The following PTPRF variants were observed in gnomAD, a reference collection of about 807,000 sequenced individuals.
The protein encoded by PTPRF is protein tyrosine phosphatase receptor type F.
In PTPRF, 59 loss-of-function variants were observed where a neutral mutation model predicts 201.8. The observed-to-expected ratio is 0.29, with a 90% CI of 0.24 to 0.36. The LOEUF (loss-of-function observed/expected upper bound fraction) is 0.36, where lower values mean the gene tolerates loss of function less well. Among genes scored for constraint, PTPRF ranks in the 10% least tolerant of loss-of-function variants. The pLI, the probability that PTPRF is intolerant of heterozygous loss-of-function variation, is 1.00. For synonymous variants in PTPRF, 1,088 were observed against 1,089.7 expected (o/e 1.00, Z 0.03); for missense variants, 2,132 against 2,690.5 (o/e 0.79, Z 4.59).
intron 6 of PTPRF, chr1:43,575,787 T>G: frequency 4.0e-5 from 33 of 828,880 alleles, no homozygotes; most frequent in Non-Finnish European, 4.6e-5. Context: ...AGGCCTCAAT[T>G]TCTCCATGTA....
At position 43,603,317 on chromosome 1, in the gene PTPRF, C is replaced by A; in HGVS notation, c.2341-99C>A. 1.9e-6 allele frequency: 2 copies of A among 1,057,260 alleles called. No individual in the cohort carries two copies. The highest frequency in any genetic ancestry group is 2.4e-5 in the East Asian group (1 of 41,664). 65.5% of individuals were successfully genotyped at this position (1,057,260 alleles called of 1,614,324 possible). A position where few individuals can be genotyped will look rare whatever the true frequency, so the allele number is the denominator to read the frequency against. On this transcript the variant is annotated intron_variant, in intron 14 of 33. Coordinates refer to ENST00000359947, the MANE Select transcript of PTPRF (RefSeq NM_002840.5). This position sits in a 1 kb window ranked among gnomAD's most constrained non-coding sequence, Gnocchi z 5.8. ...CTTCCACAACCCCTGGCCTTGTGTG[C>A]CCCGGGGCTCCCCTCAGGCTAGGGT... is the stretch of plus-strand genomic sequence containing the variant.
chr1:43,555,152 C>T (rs113647978), intron 5 of PTPRF, among the ~76,000 whole-genome samples: 410 of 151,966 alleles, frequency 2.7e-3, no homozygotes, highest in Non-Finnish European at 4.7e-3. Context: ...GCACCCGGGC[C>T]GATTGTTGCT....
chr1:43,555,125 T>TACAG (rs1298745579), intron 5 of PTPRF, among the ~76,000 whole-genome samples: 1 of 152,180 alleles, frequency 6.6e-6, no homozygotes, highest in African/African-American at 2.4e-5. Flanking sequence ...CTGCTGGGAT[T>TACAG]ACAGGTGTGA....
chr1:43,587,623 C>T (rs1315197319), intron 7 of PTPRF, among the ~76,000 whole-genome samples: 1 of 152,136 alleles, frequency 6.6e-6, no homozygotes, highest in Non-Finnish European at 1.5e-5. Context: ...CATGCCTGGG[C>T]CCCCCAGCGA....
intron 10 of PTPRF, 69 bp downstream of exon 10, chr1:43,592,017 A>G (rs1046720971): frequency 6.3e-7 from 1 of 1,590,100 alleles, no homozygotes; most frequent in Non-Finnish European, 8.6e-7. Context: ...GGCTTAACCC[A>G]GGAGGGTATT....
chr1:43,565,771 T>A (rs28431224), intron 5 of PTPRF, among the ~76,000 whole-genome samples: 1 of 151,794 alleles, frequency 6.6e-6, no homozygotes, highest in African/African-American at 2.4e-5. Flanking sequence ...AGCCGGGGCC[T>A]GGGAAGGGGC....
chr1:43,564,498 G>C (rs1569999848), intron 5 of PTPRF, among the ~76,000 whole-genome samples: 1 of 152,202 alleles, frequency 6.6e-6, no homozygotes, highest in East Asian at 1.9e-4. Context: ...CTCTGGATCT[G>C]CTTGCATGCG....
chr1:43,552,095 A>G (rs1310218156), intron 3 of PTPRF, among the ~76,000 whole-genome samples: 1 of 141,158 alleles, frequency 7.1e-6, no homozygotes, highest in African/African-American at 2.7e-5. Context: ...TGCCTTTCAT[A>G]TCTGTCTTCA....
rs1433877718 is a variant in PTPRF, at chr1:43,605,439, G to A, written c.3385G>A (p.Val1129Ile). 1 of 1,609,116 alleles carries A rather than the reference G, an allele frequency of 6.2e-7. No individual in the cohort carries two copies. The highest frequency in any genetic ancestry group is 2.2e-5 in the East Asian group (1 of 44,746). The change falls in exon 18 of 34, where the codon GTC (valine) becomes ATC (isoleucine). Residue 1129 changes from valine (V) to isoleucine (I), a missense_variant. Around this residue, in one of 6 missense-constraint regions of PTPRF, gnomAD observed 818 missense variants for 915.3 expected, o/e 0.89. Coordinates refer to ENST00000359947, the MANE Select transcript of PTPRF (RefSeq NM_002840.5). ...SMPHVQDPSL[V>I]RWFYIVVVPI... ...GCCCCATGTGCAAGACCCCTCGCTT[G>A]TCAGGTGTGCACACGAGGTATCGGG...
At position 43,611,189 on chromosome 1, in the gene PTPRF, A is replaced by G. The variant is rs151237872; in HGVS notation, c.3973+1691A>G. Among the ~76,000 whole-genome samples, 6 of 152,304 alleles carry G rather than the reference A, an allele frequency of 3.9e-5. No homozygotes were observed. In the East Asian group the frequency reaches 9.7e-4, roughly 25 times the overall value. On this transcript the variant is annotated intron_variant, in intron 22 of 33. Coordinates refer to ENST00000359947, the MANE Select transcript of PTPRF (RefSeq NM_002840.5). ...CCTCACAACATGGTGACTGAGTTTC[A>G]TGAGCATGTGTCTGGAGAGTGTGCC...
chr1:43,528,993 G>A (rs1643236590), upstream of PTPRF, among the ~76,000 whole-genome samples: 1 of 152,204 alleles, frequency 6.6e-6, no homozygotes, highest in Non-Finnish European at 1.5e-5. Flanking sequence ...CCAGTGAGGA[G>A]AGGGTGGGCC....
Position 43,605,291 on chromosome 1 carries a change from C to T in PTPRF, c.3237C>T (p.Asn1079=). 1.9e-6 allele frequency: 3 copies of T among 1,613,298 alleles called. No homozygotes were observed. The highest frequency in any genetic ancestry group is 2.5e-6 in the Non-Finnish European group (3 of 1,179,546). ...CAGAGTACTCGTTTGTGCTGATGAA[C>T]CGTGGCAGCAGCGCAGGGGGCCTGC... ...PNTEYSFVLM[N]RGSSAGGLQH... The change falls in exon 18 of 34, where the codon AAC becomes AAT. Residue 1079 remains asparagine (N), a synonymous_variant. Coordinates refer to ENST00000359947, the MANE Select transcript of PTPRF (RefSeq NM_002840.5).
chr1:43,597,292 TA>T (rs1194838599), intron 11 of PTPRF, among the ~76,000 whole-genome samples: 1 of 152,010 alleles, frequency 6.6e-6, no homozygotes, highest in Non-Finnish European at 1.5e-5. Context: ...TGACACTGTA[TA>T]TGACACTATA....
chr1:43,534,446 G>A (rs1193556808), intron 1 of PTPRF, among the ~76,000 whole-genome samples: 1 of 152,162 alleles, frequency 6.6e-6, no homozygotes, highest in Non-Finnish European at 1.5e-5. Context: ...GTGGTAGCAT[G>A]GTGCCATCTT....
intron 2 of PTPRF, among the ~76,000 whole-genome samples, chr1:43,543,341 C>T (rs1363149124): frequency 6.6e-6 from 1 of 152,240 alleles, no homozygotes; most frequent in African/African-American, 2.4e-5. Flanking sequence ...ATTGTGGTCT[C>T]AGCCACCTCA....
rs1482081975 is a variant in PTPRF at position 43,553,301 on chromosome 1, A to T, written c.92-191A>T. ...CAGATACAGTTATAGCACTCACCTC[A>T]TATGCTTAACAGAGTTAAAAAATGT... On this transcript the variant is annotated intron_variant, in intron 3 of 33. Coordinates refer to ENST00000359947, the MANE Select transcript of PTPRF (RefSeq NM_002840.5). This position sits in a 1 kb window ranked among gnomAD's most constrained non-coding sequence, Gnocchi z 4.1. 2.0e-5 allele frequency among the ~76,000 whole-genome samples: 3 copies of T among 152,204 alleles called. No homozygotes were observed. Among genetic ancestry groups the T allele is most frequent in the African/African-American group, 7.2e-5 (3 of 41,442 alleles).
At chr1:43,612,457 G>A (rs1405256101) in intron 22 of PTPRF, among the ~76,000 whole-genome samples, 1 of 152,138 alleles carries the variant, frequency 6.6e-6, no homozygotes, top group African/African-American at 2.4e-5. Flanking sequence ...TATCAAAAGG[G>A]GCAGGGCTGG....
rs2153973020 is a variant in PTPRF at position 43,554,080 on chromosome 1, G to A, written c.379+139G>A. The A allele has an allele frequency of 5.0e-6, 6 of 1,207,174 alleles. No homozygotes were observed. In the East Asian group the frequency reaches 1.3e-4, roughly 26 times the overall value. 74.8% of individuals were successfully genotyped at this position (1,207,174 alleles called of 1,614,324 possible). On this transcript the variant is annotated intron_variant, in intron 5 of 33. Coordinates refer to ENST00000359947, the MANE Select transcript of PTPRF (RefSeq NM_002840.5). The surrounding 1 kb of genome is among the most constrained non-coding windows in gnomAD (Gnocchi z 4.1). Reference sequence around the variant, plus strand: ...CACCTCGGGGTCAGTGAAAGTCAGTGGTGGACAGGGATAGTCATTGGATCT... The same window carrying A: ...CACCTCGGGGTCAGTGAAAGTCAGTAGTGGACAGGGATAGTCATTGGATCT...
intron 29 of PTPRF, 36 bp downstream of exon 29, chr1:43,619,894 A>C (rs1317100452): frequency 6.2e-7 from 1 of 1,606,628 alleles, no homozygotes; most frequent in Admixed American, 1.7e-5. Context: ...CATGCCCTAC[A>C]GGGGCCTAGG....
Sources: allele counts gnomAD v4.1 joint callset (sites outside exome capture counted in the v4.1 genomes callset), GRCh38; gene constraint gnomAD v4.1.1; regional missense constraint gnomAD v4.1.1; non-coding constraint Gnocchi (gnomAD v3.1); transcripts MANE v1.5; gene names NCBI Gene and HGNC (gene_info 2026-07-23, HGNC 2026-07-21).